Variants in CCDC171 observed in about 807,000 individuals in gnomAD.
CCDC171 encodes the protein coiled-coil domain-containing protein 171.
A neutral mutation model predicts 168.2 loss-of-function variants in CCDC171; 177 were observed. The observed-to-expected ratio is 1.05, with a 90% CI of 0.93 to 1.19. CCDC171 has a LOEUF of 1.19. Among genes scored for constraint, CCDC171 ranks in the 50% most tolerant of loss-of-function variants. The pLI is 0.00. For missense variants in CCDC171, 1,991 were observed against 1,539.0 expected, an observed-to-expected ratio of 1.29 and a Z score of -4.91; for synonymous variants, 687 against 540.8, an observed-to-expected ratio of 1.27 and a Z score of -3.75.
intron 6 of CCDC171, among the ~76,000 whole-genome samples, chr9:15,611,760 G>A (rs1333978712): frequency 6.6e-6 from 1 of 152,154 alleles, no homozygotes; most frequent in Non-Finnish European, 1.5e-5. Context: ...ACCCGAGAGT[G>A]TAAAGTACTG....
At chr9:15,944,462 T>G (rs947383210) in intron 25 of CCDC171, among the ~76,000 whole-genome samples, 2 of 152,050 alleles carry the variant, frequency 1.3e-5, no homozygotes, top group Admixed American at 6.6e-5. Context: ...TCTAATACTT[T>G]CCATGTGTGA....
chr9:15,989,613 A>T (rs1832118833), intron 3 of CCDC171, among the ~76,000 whole-genome samples: 1 of 152,168 alleles, frequency 6.6e-6, no homozygotes, highest in South Asian at 2.1e-4. Context: ...AAGGTTTCAG[A>T]TGATCAAACT....
rs2059548049 is a variant in CCDC171, at chr9:15,815,938, A to T, written c.3268-30764A>T. On this transcript the variant is annotated intron_variant, in intron 21 of 25. Transcript: ENST00000380701. ...AAGAATTAAGAAAACAATAGCTCTC[A>T]GACCACTTTTTAAAAATAATAATTT... Among the ~76,000 whole-genome samples the T allele has an allele frequency of 1.7e-5, 2 of 117,772 alleles. 1 individual carries two copies. The highest frequency in any genetic ancestry group is 5.5e-4 in the South Asian group (2 of 3,608). The allele number at this position is 117,772 out of a possible 152,430, so 77.3% of individuals were successfully genotyped here. A position where few individuals can be genotyped will look rare whatever the true frequency, so the allele number is the denominator to read the frequency against.
chr9:15,824,352 T>C (rs1163329658), intron 21 of CCDC171, among the ~76,000 whole-genome samples: 4 of 151,990 alleles, frequency 2.6e-5, no homozygotes, highest in Non-Finnish European at 5.9e-5. Context: ...TTTTATATGT[T>C]AATATATATG....
At chr9:15,588,151 C>T (rs1203942283) in intron 4 of CCDC171, among the ~76,000 whole-genome samples, 1 of 152,160 alleles carries the variant, frequency 6.6e-6, no homozygotes, top group Non-Finnish European at 1.5e-5. Context: ...GGGAGAATCA[C>T]TTGAACCTGG....
chr9:15,771,651 A>G (rs1018908851), intron 18 of CCDC171, among the ~76,000 whole-genome samples: 1 of 152,056 alleles, frequency 6.6e-6, no homozygotes, highest in Non-Finnish European at 1.5e-5. Flanking sequence ...ATTATTAATC[A>G]TTTATTTCTG....
intron 5 of CCDC171, among the ~76,000 whole-genome samples, 155 bp downstream of exon 5, chr9:15,591,711 G>A (rs1214675084): frequency 1.3e-5 from 2 of 150,878 alleles, no homozygotes; most frequent in East Asian, 3.9e-4. Context: ...ATATTTGCTG[G>A]TCTCTTTTGG....
chr9:15,765,393 G>A (rs938488483), intron 18 of CCDC171, among the ~76,000 whole-genome samples: 1 of 152,014 alleles, frequency 6.6e-6, no homozygotes, highest in Non-Finnish European at 1.5e-5. Context: ...ATGAGGGAAG[G>A]CACAATTGGC....
chr9:15,789,192 A>C (rs890249443), intron 21 of CCDC171, among the ~76,000 whole-genome samples: 3 of 152,140 alleles, frequency 2.0e-5, no homozygotes, highest in Non-Finnish European at 4.4e-5. Context: ...ATGACACTCA[A>C]AGTAAATGCT....
At chr9:16,005,339 T>G (rs1028754193) in intron 3 of CCDC171, among the ~76,000 whole-genome samples, 15 of 152,348 alleles carry the variant, frequency 9.8e-5, no homozygotes, top group African/African-American at 3.6e-4. Flanking sequence ...TCTTTCCTTT[T>G]TATGGCCAAA....
chr9:16,059,269 A>G (rs1833891513), intron 1 of CCDC171, among the ~76,000 whole-genome samples: 1 of 152,278 alleles, frequency 6.6e-6, no homozygotes, highest in South Asian at 2.1e-4. Flanking sequence ...CACTTAAAGG[A>G]CTAAGATTGA....
intron 25 of CCDC171, among the ~76,000 whole-genome samples, chr9:15,930,885 A>G (rs1210524645): frequency 6.6e-6 from 1 of 151,704 alleles, no homozygotes; most frequent in Non-Finnish European, 1.5e-5. Flanking sequence ...GTTTTGATGC[A>G]TATTTATGTT....
In CCDC171 at chr9:15,634,366, G is replaced by A. The variant is rs56757670; in HGVS notation, c.822+10953G>A. Among the ~76,000 whole-genome samples the A allele has an allele frequency of 7.5e-3, 1,142 of 152,096 alleles. 9 individuals are homozygous for A. Among genetic ancestry groups the A allele is most frequent in the African/African-American group, 0.026 (1,086 of 41,476 alleles). On this transcript the variant is annotated intron_variant, in intron 7 of 25. Coordinates refer to ENST00000380701, the MANE Select transcript of CCDC171 (RefSeq NM_173550.4). ...TATTTCTACAAAGGGATATCTGCTA[G>A]TTTCAGGTTTGATGGTTAGAAAATG...
chr9:15,778,184 C>G (rs901124755), intron 19 of CCDC171, among the ~76,000 whole-genome samples: 1 of 151,404 alleles, frequency 6.6e-6, no homozygotes, highest in Non-Finnish European at 1.5e-5. Context: ...GTAGTCCCAG[C>G]TACTCGGGAG....
chr9:16,054,713 G>A (rs1416093393), intron 1 of CCDC171, among the ~76,000 whole-genome samples: 1 of 152,234 alleles, frequency 6.6e-6, no homozygotes, highest in Non-Finnish European at 1.5e-5. Context: ...GTTTGATGGA[G>A]AGAGTCCTTG....
intron 7 of CCDC171, among the ~76,000 whole-genome samples, chr9:15,646,527 C>T (rs547596461): frequency 6.6e-6 from 1 of 152,172 alleles, no homozygotes; most frequent in Non-Finnish European, 1.5e-5. Flanking sequence ...CAGAGACACA[C>T]ATAGCCTTAA....
intron 21 of CCDC171, among the ~76,000 whole-genome samples, chr9:15,799,922 G>T (rs2058738694): frequency 6.6e-6 from 1 of 152,068 alleles, no homozygotes; most frequent in African/African-American, 2.4e-5. Flanking sequence ...ATGACCTCCA[G>T]TTCCATCTAT....
chr9:15,627,607 T>C (rs2045270734), intron 7 of CCDC171, among the ~76,000 whole-genome samples: 2 of 152,238 alleles, frequency 1.3e-5, no homozygotes, highest in Non-Finnish European at 2.9e-5. Flanking sequence ...GGTTGTTCAG[T>C]TTCCACGTAG....
intron 25 of CCDC171, among the ~76,000 whole-genome samples, chr9:15,921,279 T>G (rs1261107648): frequency 6.6e-6 from 1 of 151,716 alleles, no homozygotes. Flanking sequence ...CACCTTCTAG[T>G]CTTGGCTCAA....
Sources: gnomAD v4.1 joint callset for allele counts (sites outside exome capture counted in the v4.1 genomes callset) on GRCh38, gnomAD v4.1.1 for gene constraint, MANE v1.5 for transcripts, NCBI Gene and HGNC (gene_info 2026-07-23, HGNC 2026-07-21) for gene names.